Variants in TRMU observed in about 807,000 individuals in gnomAD.
TRMU encodes tRNA mitochondrial 2-thiouridylase.
Under a neutral mutation model 46.9 loss-of-function variants are expected in TRMU, and 49 were observed. That is an observed-to-expected ratio of 1.05 (90% CI 0.83 to 1.33). The LOEUF (loss-of-function observed/expected upper bound fraction) is 1.33, where lower values mean the gene tolerates loss of function less well. Among genes scored for constraint, TRMU ranks in the 40% most tolerant of loss-of-function variants. The pLI, the probability that TRMU is intolerant of heterozygous loss-of-function variation, is 0.00. For missense variants in TRMU, 572 were observed against 532.4 expected (o/e 1.07, Z -0.73); for synonymous variants, 241 against 200.9 (o/e 1.20, Z -1.69).
intron 1 of TRMU, among the ~76,000 whole-genome samples, chr22:46,337,029 G>T (rs1028512302): frequency 6.6e-6 from 1 of 152,206 alleles, no homozygotes; most frequent in African/African-American, 2.4e-5. Flanking sequence ...GCTTTAGACT[G>T]TTAGGTAGAC....
In TRMU at chr22:46,355,756, G is replaced by A. The variant is rs535432467; in HGVS notation, c.1018+168G>A. The A allele has an allele frequency of 3.9e-4, 486 of 1,257,114 alleles. 5 individuals are homozygous for A. In the South Asian group the frequency reaches 5.2e-3, roughly 14 times the overall value. 77.9% of individuals were successfully genotyped at this position (1,257,114 alleles called of 1,614,324 possible). ...CCCGTGTCCTGTGCCTGCCCTGAGC[G>A]AGGCCTGGGGGTGCTGGGAGCAGAT... On this transcript the variant is annotated intron_variant, in intron 9 of 10. Transcript: ENST00000645190.
intron 7 of TRMU, chr22:46,353,017 C>T (rs780703020): frequency 2.4e-5 from 4 of 163,708 alleles, no homozygotes; most frequent in African/African-American, 4.8e-5. Flanking sequence ...AGGTGTAGGG[C>T]GTCTTGCAGT....
At position 46,336,605 on chromosome 22, in the gene TRMU, G is replaced by T. The variant is rs1340539750; in HGVS notation, c.82+759G>T. ...AATTCGGCTAACACCTGCCTCACGG[G>T]GTGACTGGAGGGATTAGATGACATA... On this transcript the variant is annotated intron_variant, in intron 1 of 10. Coordinates refer to ENST00000645190, the MANE Select transcript of TRMU (RefSeq NM_018006.5). The surrounding 1 kb of genome is among the most constrained non-coding windows in gnomAD (Gnocchi z 4.1). The T allele has an allele frequency of 1.3e-5, 2 of 152,300 alleles. No homozygotes were observed. The highest frequency in any genetic ancestry group is 4.8e-5 in the African/African-American group (2 of 41,440). The allele number at this position is 152,300 out of a possible 1,614,324, so 9.4% of individuals were successfully genotyped here. A position where few individuals can be genotyped will look rare whatever the true frequency, so the allele number is the denominator to read the frequency against.
chr22:46,350,885 T>C lies in TRMU; in HGVS notation c.651+422T>C, dbSNP rs1461251530. ...CCCGGCACAGACTCGTTCGGTGCCATCTGTTCGGGCGCTGTGCTGCTGGGC... is the reference window on the plus strand; with the variant it reads ...CCCGGCACAGACTCGTTCGGTGCCACCTGTTCGGGCGCTGTGCTGCTGGGC... On this transcript the variant is annotated intron_variant, in intron 5 of 10. Transcript: ENST00000645190. This position sits in a 1 kb window ranked among gnomAD's most constrained non-coding sequence, Gnocchi z 4.6. Among the ~76,000 whole-genome samples the C allele has an allele frequency of 6.6e-6, 1 of 152,198 alleles. No individual in the cohort carries two copies. The highest frequency in any genetic ancestry group is 1.5e-5 in the Non-Finnish European group (1 of 68,028).
At chr22:46,335,936 C>T in intron 1 of TRMU, 90 bp downstream of exon 1, 3 of 1,497,396 alleles carry the variant, frequency 2.0e-6, no homozygotes, top group Non-Finnish European at 2.7e-6. Flanking sequence ...ACGTCTCCTC[C>T]CTCCCTGGGC....
intron 7 of TRMU, 74 bp downstream of exon 7, chr22:46,352,404 C>A: frequency 6.4e-7 from 1 of 1,557,580 alleles, no homozygotes; most frequent in Non-Finnish European, 8.9e-7. Flanking sequence ...GAGACTAGAC[C>A]AGAGTTCCTG....
chr22:46,353,901 C>G, intron 8 of TRMU, 34 bp downstream of exon 8: 1 of 1,602,444 alleles, frequency 6.2e-7, no homozygotes, highest in Non-Finnish European at 8.5e-7. Flanking sequence ...AGCACTGGGG[C>G]TGGTTCTGGC....
Position 46,347,857 on chromosome 22 carries a change from C to G in TRMU, c.478+1313C>G, listed in dbSNP as rs887793635. Among the ~76,000 whole-genome samples the G allele has an allele frequency of 3.9e-5, 6 of 152,236 alleles. No homozygotes were observed. Among genetic ancestry groups the G allele is most frequent in the African/African-American group, 1.4e-4 (6 of 41,462 alleles). ...CAGCTGAGTTCTTTCCTCAGCGTTG[C>G]TGAGCCCATCCTGAAGGCTGCAGTG... On this transcript the variant is annotated intron_variant, in intron 4 of 10. Coordinates refer to ENST00000645190, the MANE Select transcript of TRMU (RefSeq NM_018006.5). This position sits in a 1 kb window ranked among gnomAD's most constrained non-coding sequence, Gnocchi z 5.0.
At position 46,350,116 on chromosome 22, in the gene TRMU, G is replaced by A. The variant is rs1312819696; in HGVS notation, c.479-175G>A. Among the ~76,000 whole-genome samples, 3 of 150,760 alleles carry A rather than the reference G, an allele frequency of 2.0e-5. No homozygotes were observed. The highest frequency in any genetic ancestry group is 4.4e-5 in the Non-Finnish European group (3 of 67,826). ...TCCTTGTTTTTTTTTTTGGAGGTGCGAATTTTTCTTACATTAACCCGTGGT... is the reference window on the plus strand; with the variant it reads ...TCCTTGTTTTTTTTTTTGGAGGTGCAAATTTTTCTTACATTAACCCGTGGT... On this transcript the variant is annotated intron_variant, in intron 4 of 10. Coordinates refer to ENST00000645190, the MANE Select transcript of TRMU (RefSeq NM_018006.5). This position sits in a 1 kb window ranked among gnomAD's most constrained non-coding sequence, Gnocchi z 4.6.
Position 46,357,131 on chromosome 22 carries a change from G to T in TRMU, c.*125G>T. 1 of 1,402,858 alleles carries T rather than the reference G, an allele frequency of 7.1e-7. No individual in the cohort carries two copies. The highest frequency in any genetic ancestry group is 2.5e-5 in the East Asian group (1 of 40,378). The allele number at this position is 1,402,858 out of a possible 1,614,324, so 86.9% of individuals were successfully genotyped here. On this transcript the variant is annotated 3_prime_UTR_variant, in exon 11 of 11. Coordinates refer to ENST00000645190, the MANE Select transcript of TRMU (RefSeq NM_018006.5). Reference sequence around the variant, plus strand: ...AGCAGAGGAAGCCGGGCTGGCTGAGGGTCCGAAAAGCCTGCAGGGGCCCGG... The same window carrying T: ...AGCAGAGGAAGCCGGGCTGGCTGAGTGTCCGAAAAGCCTGCAGGGGCCCGG...
intron 10 of TRMU, 64 bp downstream of exon 10, chr22:46,356,136 C>CGGGTTACAGAGGAAG: frequency 6.3e-7 from 1 of 1,583,800 alleles, no homozygotes; most frequent in Non-Finnish European, 8.7e-7. Context: ...CCAGGGCACC[C>CGGGTTACAGAGGAAG]GGGTTACAGA....
chr22:46,337,771 G>A lies in TRMU; in HGVS notation c.83-8G>A, dbSNP rs2147852866. 3 of 1,614,174 alleles carry A rather than the reference G, an allele frequency of 1.9e-6. No individual in the cohort carries two copies. The highest frequency in any genetic ancestry group is 1.1e-5 in the South Asian group (1 of 91,090). ...TGTATTCTCTTTAATTGACCTTCCC[G>A]CCCGCAGGTTACCAGGTGACAGGGG... is the stretch of plus-strand genomic sequence containing the variant. On this transcript the variant is annotated splice_polypyrimidine_tract_variant and splice_region_variant and intron_variant, in intron 1 of 10. Coordinates refer to ENST00000645190, the MANE Select transcript of TRMU (RefSeq NM_018006.5).
intron 7 of TRMU, chr22:46,353,441 C>T (rs1289105182): frequency 2.8e-6 from 1 of 362,210 alleles, no homozygotes; most frequent in African/African-American, 2.1e-5. Flanking sequence ...GCAAGAAGGG[C>T]CCCTGGCGTC....
In TRMU at chr22:46,351,650, A is replaced by G; in HGVS notation, c.652-471A>G. 1 of 275,406 alleles carries G rather than the reference A, an allele frequency of 3.6e-6. No individual in the cohort carries two copies. Among genetic ancestry groups the G allele is most frequent in the South Asian group, 4.1e-5 (1 of 24,590 alleles). The allele number at this position is 275,406 out of a possible 1,614,324, so 17.1% of individuals were successfully genotyped here. On this transcript the variant is annotated intron_variant, in intron 5 of 10. Coordinates refer to ENST00000645190, the MANE Select transcript of TRMU (RefSeq NM_018006.5). The surrounding 1 kb of genome is among the most constrained non-coding windows in gnomAD (Gnocchi z 6.4). ...AAACGATGCAGCCCCTGATGGGGCC[A>G]CGGTGGAGAGCGCACGCCACCCAGG...
chr22:46,357,071 T>A lies in TRMU; in HGVS notation c.*65T>A. On this transcript the variant is annotated 3_prime_UTR_variant, in exon 11 of 11. Transcript: ENST00000645190. ...CCATGGCTGGGCGGCTGGTGAGCAG[T>A]CCAGGTGCCCAAGGGCCAGCTTGCT... The A allele has an allele frequency of 6.2e-7, 1 of 1,601,314 alleles. No individual in the cohort carries two copies. Among genetic ancestry groups the A allele is most frequent in the Non-Finnish European group, 8.5e-7 (1 of 1,172,852 alleles).
chr22:46,337,751 T>A, intron 1 of TRMU, 28 bp from the exon 2 acceptor site: 2 of 1,614,004 alleles, frequency 1.2e-6, no homozygotes, highest in Non-Finnish European at 1.7e-6. Flanking sequence ...ATTTATGTAT[T>A]CTCTTTAATT....
At chr22:46,353,227 C>G (rs2078490560) in intron 7 of TRMU, 1 of 180,698 alleles carries the variant, frequency 5.5e-6, no homozygotes, top group Non-Finnish European at 1.2e-5. Flanking sequence ...GTTCACTTCA[C>G]TGAAGAAGGC....
chr22:46,335,761 G>A lies in TRMU; in HGVS notation c.-4G>A. 6.4e-7 allele frequency: 1 copy of A among 1,550,822 alleles called. No individual in the cohort carries two copies. The highest frequency in any genetic ancestry group is 8.7e-7 in the Non-Finnish European group (1 of 1,151,786). On this transcript the variant is annotated 5_prime_UTR_variant, in exon 1 of 11. Coordinates refer to ENST00000645190, the MANE Select transcript of TRMU (RefSeq NM_018006.5). Reference sequence around the variant, plus strand: ...TGCAGCTGGCGAAGTTGGGCGACTGGCGGATGCAGGCCTTGCGGCACGTCG... The same window carrying A: ...TGCAGCTGGCGAAGTTGGGCGACTGACGGATGCAGGCCTTGCGGCACGTCG...
Position 46,336,128 on chromosome 22 carries a change from G to A in TRMU, c.82+282G>A, listed in dbSNP as rs1027080182. ...CACAGTGAGAAGCCGGCGGGCCGGG[G>A]TGGGGTGGGGAGGGAAGGGTTTCTC... is the stretch of plus-strand genomic sequence containing the variant. On this transcript the variant is annotated intron_variant, in intron 1 of 10. Coordinates refer to ENST00000645190, the MANE Select transcript of TRMU (RefSeq NM_018006.5). This position sits in a 1 kb window ranked among gnomAD's most constrained non-coding sequence, Gnocchi z 4.1. 2 of 1,334,704 alleles carry A rather than the reference G, an allele frequency of 1.5e-6. No homozygotes were observed. Among genetic ancestry groups the A allele is most frequent in the East Asian group, 3.3e-5 (1 of 30,154 alleles). 82.7% of individuals were successfully genotyped at this position (1,334,704 alleles called of 1,614,324 possible). A position where few individuals can be genotyped will look rare whatever the true frequency, so the allele number is the denominator to read the frequency against.
Sources: allele counts gnomAD v4.1 joint callset (sites outside exome capture counted in the v4.1 genomes callset), GRCh38; gene constraint gnomAD v4.1.1; non-coding constraint Gnocchi (gnomAD v3.1); transcripts MANE v1.5; gene names NCBI Gene and HGNC (gene_info 2026-07-23, HGNC 2026-07-21).